LMBRD1: variants seen among roughly 807,000 people sequenced by gnomAD.
LMBRD1 encodes the protein LMBR1 domain containing 1.
Under a neutral mutation model 74.8 loss-of-function variants are expected in LMBRD1, and 64 were observed. The ratio of observed to expected loss-of-function variants is 0.86; its 90% CI spans 0.70 to 1.05. The LOEUF is 1.05. Among genes scored for constraint, LMBRD1 ranks in the 50% least tolerant of loss-of-function variants. The pLI is 0.00. For missense variants in LMBRD1, 652 were observed against 645.9 expected, an observed-to-expected ratio of 1.01 and a Z score of -0.10; for synonymous variants, 204 against 216.3, an observed-to-expected ratio of 0.94 and a Z score of 0.50.
At chr6:69,762,801 G>A (rs938406312) in intron 3 of LMBRD1, among the ~76,000 whole-genome samples, 11 of 152,150 alleles carry the variant, frequency 7.2e-5, no homozygotes, top group Admixed American at 2.0e-4. Context: ...ATGCAAGGAC[G>A]CAGCAAGAAG....
chr6:69,703,393 G>T (rs754743178), intron 9 of LMBRD1, among the ~76,000 whole-genome samples: 1 of 149,802 alleles, frequency 6.7e-6, no homozygotes, highest in Non-Finnish European at 1.5e-5. Flanking sequence ...TTAGTAGTAG[G>T]AGAACATGAT....
In LMBRD1 at chr6:69,796,877, G is replaced by C. The variant is rs554992244; in HGVS notation, c.5C>G (p.Ala2Gly). MATSGAASAELV... is the reference protein window; with the variant it reads MGTSGAASAELV... Reference sequence around the variant, plus strand: ...CTCCGCCGAGGCCGCGCCAGAAGTCGCCATCTTCGCTTCCGGTCCAGACCA... The same window carrying C: ...CTCCGCCGAGGCCGCGCCAGAAGTCCCCATCTTCGCTTCCGGTCCAGACCA... The change falls in exon 1 of 16, where the codon GCG becomes GGG. Residue 2 changes from alanine to glycine, a missense_variant. Transcript: ENST00000649934. 53 of 1,613,534 alleles carry C rather than the reference G, an allele frequency of 3.3e-5. No homozygotes were observed. Among genetic ancestry groups the C allele is most frequent in the Non-Finnish European group, 4.2e-5 (49 of 1,179,896 alleles).
chr6:69,736,321 A>C (rs1307143513), intron 7 of LMBRD1, among the ~76,000 whole-genome samples: 1 of 152,116 alleles, frequency 6.6e-6, no homozygotes, highest in Non-Finnish European at 1.5e-5. Context: ...CTTACCATCC[A>C]TTATAAAAGA....
At chr6:69,749,530 G>T in intron 4 of LMBRD1, 122 bp from the exon 5 acceptor site, 1 of 759,954 alleles carries the variant, frequency 1.3e-6, no homozygotes, top group Non-Finnish European at 2.2e-6. Flanking sequence ...TTGAAACTAA[G>T]GTTGAAAAAC....
At chr6:69,718,920 T>G (rs1178396909) in intron 8 of LMBRD1, 36 bp downstream of exon 8, 2 of 1,610,208 alleles carry the variant, frequency 1.2e-6, no homozygotes, top group Admixed American at 1.7e-5. Context: ...ACAAAGTAGT[T>G]TTATGCTTCC....
At chr6:69,791,309 G>C (rs1461297898) in intron 1 of LMBRD1, among the ~76,000 whole-genome samples, 1 of 152,198 alleles carries the variant, frequency 6.6e-6, no homozygotes, top group Non-Finnish European at 1.5e-5. Flanking sequence ...CCCCAGGTGA[G>C]GCTACTGCTG....
chr6:69,743,649 G>T (rs1472414404), intron 5 of LMBRD1, among the ~76,000 whole-genome samples: 1 of 152,176 alleles, frequency 6.6e-6, no homozygotes, highest in East Asian at 1.9e-4. Flanking sequence ...CAAATTCAAA[G>T]CAGGTTCTTA....
intron 4 of LMBRD1, 55 bp downstream of exon 4, chr6:69,752,204 C>T (rs1485166062): frequency 2.0e-6 from 3 of 1,537,278 alleles, no homozygotes; most frequent in Non-Finnish European, 2.7e-6. Context: ...TCTGAAAAAG[C>T]AGGTAATATT....
At chr6:69,753,022 T>A (rs1341268990) in intron 3 of LMBRD1, among the ~76,000 whole-genome samples, 1 of 152,338 alleles carries the variant, frequency 6.6e-6, no homozygotes, top group South Asian at 2.1e-4. Flanking sequence ...TAGCTCTTCA[T>A]GACCCTGTTT....
intron 3 of LMBRD1, among the ~76,000 whole-genome samples, chr6:69,775,663 T>C (rs969616984): frequency 2.6e-5 from 4 of 152,208 alleles, no homozygotes; most frequent in African/African-American, 9.7e-5. Context: ...AATTCTAGTG[T>C]CCACATTTGC....
intron 3 of LMBRD1, among the ~76,000 whole-genome samples, chr6:69,778,303 C>G (rs1232216096): frequency 1.3e-5 from 2 of 152,176 alleles, no homozygotes; most frequent in African/African-American, 4.8e-5. Context: ...TAATGATTAA[C>G]TTATCACACA....
intron 3 of LMBRD1, among the ~76,000 whole-genome samples, chr6:69,768,510 C>T (rs1765515726): frequency 6.6e-6 from 1 of 151,796 alleles, no homozygotes; most frequent in East Asian, 1.9e-4. Context: ...TTCTTTGTGC[C>T]ATTCCCATCA....
At chr6:69,744,972 A>G (rs960267640) in intron 5 of LMBRD1, among the ~76,000 whole-genome samples, 12 of 151,976 alleles carry the variant, frequency 7.9e-5, no homozygotes, top group Admixed American at 2.6e-4. Context: ...CCTCCAGAGT[A>G]GCTAGGATTA....
chr6:69,710,289 A>T (rs1269299353), intron 9 of LMBRD1, among the ~76,000 whole-genome samples: 1 of 152,142 alleles, frequency 6.6e-6, no homozygotes, highest in Non-Finnish European at 1.5e-5. Context: ...TGCTGGAACA[A>T]TTGGATATCC....
intron 3 of LMBRD1, among the ~76,000 whole-genome samples, chr6:69,765,024 G>A (rs1765450500): frequency 6.6e-6 from 1 of 151,506 alleles, no homozygotes. Flanking sequence ...CTGCCTCCTG[G>A]GTTCAAGAGA....
intron 3 of LMBRD1, among the ~76,000 whole-genome samples, chr6:69,777,993 G>A (rs74639422): frequency 0.02 from 2,996 of 152,302 alleles, 86 homozygotes; most frequent in African/African-American, 0.068. Flanking sequence ...TCGAAGCTAC[G>A]GAATCCTTTC....
intron 14 of LMBRD1, among the ~76,000 whole-genome samples, chr6:69,694,036 G>A (rs1765944608): frequency 6.6e-6 from 1 of 151,986 alleles, no homozygotes; most frequent in Admixed American, 6.6e-5. Flanking sequence ...ATATTCAGTA[G>A]TTCAAAGGGA....
chr6:69,719,106 T>G (rs773282033), intron 7 of LMBRD1, 25 bp from the exon 8 acceptor site: 1 of 1,606,258 alleles, frequency 6.2e-7, no homozygotes, highest in African/African-American at 1.3e-5. Context: ...ATTGAAATGT[T>G]TTAGAAATAA....
intron 4 of LMBRD1, among the ~76,000 whole-genome samples, chr6:69,751,328 CT>C (rs765182820): frequency 7.1e-4 from 102 of 143,906 alleles, no homozygotes; most frequent in Admixed American, 6.9e-4. Context: ...AAAGTCGGTC[CT>C]TTTTTTTTTT....
Sources: gnomAD v4.1 joint callset for allele counts (sites outside exome capture counted in the v4.1 genomes callset) on GRCh38, gnomAD v4.1.1 for gene constraint, MANE v1.5 for transcripts, NCBI Gene and HGNC (gene_info 2026-07-23, HGNC 2026-07-21) for gene names.